Variants in PID1 observed in about 807,000 individuals in gnomAD.
The protein encoded by PID1 is PTB-containing, cubilin and LRP1-interacting protein.
PID1 carries 10 observed loss-of-function variants against 19.1 expected under a neutral mutation model. The observed-to-expected ratio is 0.52, with a 90% confidence interval of 0.32 to 0.89. PID1 has a LOEUF of 0.89. PID1 is among the 40% of genes least tolerant of loss of function. The pLI is 0.03. For missense variants in PID1, 248 were observed against 285.3 expected, an observed-to-expected ratio of 0.87 and a Z score of 0.94; for synonymous variants, 130 against 116.0, an observed-to-expected ratio of 1.12 and a Z score of -0.78.
rs185394287 is a variant in PID1 at position 229,267,356 on chromosome 2, T to C, written c.30+3658A>G. On this transcript the variant is annotated intron_variant, in intron 1 of 2. Coordinates refer to ENST00000392055, the MANE Select transcript of PID1 (RefSeq NM_001100818.2). The stretch of plus-strand genomic sequence containing the variant: ...GCTGCAAAACTCAAATCCAGCTTTG[T>C]GAATAAAAAGCTGTTTTTTCTGAAT... 3.3e-3 allele frequency among the ~76,000 whole-genome samples: 502 copies of C among 152,324 alleles called. 2 individuals carry two copies. Among genetic ancestry groups the C allele is most frequent in the Non-Finnish European group, 5.9e-3 (403 of 68,020 alleles).
intron 2 of PID1, among the ~76,000 whole-genome samples, chr2:229,149,388 C>T (rs749911562): frequency 6.6e-6 from 1 of 152,128 alleles, no homozygotes; most frequent in Non-Finnish European, 1.5e-5. Flanking sequence ...TTCAAATACA[C>T]TTACATTCAA....
chr2:229,137,524 T>C (rs1026753673), intron 2 of PID1, among the ~76,000 whole-genome samples: 3 of 152,194 alleles, frequency 2.0e-5, no homozygotes, highest in Admixed American at 2.0e-4. Context: ...TGTTTCCAAT[T>C]AGATACTAAT....
chr2:229,270,711 A>G (rs1428519977), intron 1 of PID1, among the ~76,000 whole-genome samples: 1 of 151,210 alleles, frequency 6.6e-6, no homozygotes, highest in Non-Finnish European at 1.5e-5. Flanking sequence ...GCATTGTGTC[A>G]GTGGAATGCA....
chr2:229,026,074 A>C lies in PID1; in HGVS notation c.212T>G (p.Met71Arg). The stretch of plus-strand genomic sequence containing the variant: ...TTCTGTGCAGCCTGACAAAAACTGC[A>C]TGCCAGTGGTGGAGACTTTGCCCAG... ...TYLGKVSTTG[M>R]QFLSGCTEKP... is the part of the protein sequence containing the mutation. Residue 71 changes from methionine to arginine, a missense_variant, in exon 3 of 3, where the codon ATG becomes AGG. Transcript: ENST00000392055. 6.2e-7 allele frequency: 1 copy of C among 1,614,182 alleles called. No individual in the cohort carries two copies. The highest frequency in any genetic ancestry group is 8.5e-7 in the Non-Finnish European group (1 of 1,180,012).
At chr2:229,055,216 A>C (rs1252665347) in intron 2 of PID1, among the ~76,000 whole-genome samples, 1 of 152,128 alleles carries the variant, frequency 6.6e-6, no homozygotes, top group Admixed American at 6.5e-5. Context: ...ATGTGAAGCA[A>C]CTCAAGCAAC....
chr2:229,207,737 C>A (rs115292749), intron 1 of PID1, among the ~76,000 whole-genome samples: 1 of 151,822 alleles, frequency 6.6e-6, no homozygotes, highest in Non-Finnish European at 1.5e-5. Flanking sequence ...GTTTAGAATC[C>A]GTGTTTTCAA....
chr2:229,101,922 G>C (rs1038950937), intron 2 of PID1, among the ~76,000 whole-genome samples: 1 of 152,110 alleles, frequency 6.6e-6, no homozygotes, highest in African/African-American at 2.4e-5. Flanking sequence ...CTAATCATCT[G>C]ACCTTAAAAT....
At chr2:229,103,317 T>C (rs150223508) in intron 2 of PID1, among the ~76,000 whole-genome samples, 2 of 152,198 alleles carry the variant, frequency 1.3e-5, no homozygotes, top group Non-Finnish European at 2.9e-5. Flanking sequence ...CACAGACACA[T>C]GGTCCATACT....
chr2:229,184,451 A>G (rs1217877196), intron 1 of PID1, among the ~76,000 whole-genome samples: 12 of 22,306 alleles, frequency 5.4e-4, no homozygotes, highest in Admixed American at 1.3e-3. Context: ...TATAGCCCGT[A>G]TATATATAGC....
At chr2:229,176,691 T>C (rs897570184) in intron 1 of PID1, among the ~76,000 whole-genome samples, 1 of 152,202 alleles carries the variant, frequency 6.6e-6, no homozygotes, top group African/African-American at 2.4e-5. Flanking sequence ...CCCAAATATT[T>C]CATTTGTACG....
At chr2:229,114,741 AC>A (rs1458734358) in intron 2 of PID1, among the ~76,000 whole-genome samples, 1 of 152,078 alleles carries the variant, frequency 6.6e-6, no homozygotes, top group African/African-American at 2.4e-5. Flanking sequence ...ATAAAAATCA[AC>A]ACCTCCTTGT....
At position 229,089,922 on chromosome 2, in the gene PID1, G is replaced by A. The variant is rs1694837959; in HGVS notation, c.178-63814C>T. The stretch of plus-strand genomic sequence containing the variant: ...GAAGAGAAATAAATGAGAGACAGAA[G>A]AACTGAAATTTGAGAATGATTGTGG... On this transcript the variant is annotated intron_variant, in intron 2 of 2. Transcript: ENST00000392055. 2.0e-5 allele frequency among the ~76,000 whole-genome samples: 3 copies of A among 152,164 alleles called. No homozygotes were observed. In the South Asian group the frequency reaches 6.2e-4, roughly 31 times the overall value.
intron 1 of PID1, among the ~76,000 whole-genome samples, chr2:229,189,442 C>A (rs1691209278): frequency 6.6e-6 from 1 of 152,206 alleles, no homozygotes; most frequent in South Asian, 2.1e-4. Context: ...TGCCTGTAAT[C>A]CCAGCACTTT....
chr2:229,224,340 G>A (rs1024428527), intron 1 of PID1, among the ~76,000 whole-genome samples: 5 of 152,112 alleles, frequency 3.3e-5, no homozygotes, highest in Non-Finnish European at 5.9e-5. Flanking sequence ...GTATCTACCA[G>A]AAGAAAAGAA....
chr2:229,037,285 C>A (rs1016858659), intron 2 of PID1, among the ~76,000 whole-genome samples: 1 of 152,002 alleles, frequency 6.6e-6, no homozygotes, highest in Non-Finnish European at 1.5e-5. Flanking sequence ...GAGGAAAAAG[C>A]AAATTTACCA....
chr2:229,134,410 T>A (rs1244386442), intron 2 of PID1, among the ~76,000 whole-genome samples: 8 of 151,518 alleles, frequency 5.3e-5, no homozygotes, highest in African/African-American at 1.9e-4. Flanking sequence ...TGGCTTTTTT[T>A]TTTTTGTATT....
chr2:229,050,618 T>C (rs1341307318), intron 2 of PID1, among the ~76,000 whole-genome samples: 1 of 152,164 alleles, frequency 6.6e-6, no homozygotes, highest in Non-Finnish European at 1.5e-5. Context: ...CCACTCTACC[T>C]AGTACAGTGT....
intron 1 of PID1, among the ~76,000 whole-genome samples, chr2:229,173,307 C>T (rs1196197242): frequency 4.6e-5 from 7 of 152,068 alleles, no homozygotes; most frequent in Admixed American, 2.0e-4. Context: ...CCAATGGTTT[C>T]GATAAGCAGT....
At chr2:229,240,527 C>T (rs1266102617) in intron 1 of PID1, among the ~76,000 whole-genome samples, 1 of 152,124 alleles carries the variant, frequency 6.6e-6, no homozygotes, top group Non-Finnish European at 1.5e-5. Context: ...CCACTTAAAA[C>T]AAGTCATTCC....
Sources: gnomAD v4.1 joint callset for allele counts (sites outside exome capture counted in the v4.1 genomes callset) on GRCh38, gnomAD v4.1.1 for gene constraint, MANE v1.5 for transcripts, NCBI Gene and HGNC (gene_info 2026-07-23, HGNC 2026-07-21) for gene names.